The following FANCA variants were observed in gnomAD, a reference collection of about 807,000 sequenced individuals.
FANCA encodes the protein Fanconi anemia group A protein.
A neutral mutation model predicts 194.3 loss-of-function variants in FANCA; 236 were observed. The observed-to-expected ratio is 1.21, with a 90% CI of 1.09 to 1.35. The LOEUF is 1.35. Ranked by LOEUF, FANCA falls within the 40% of genes most tolerant of loss-of-function variation. The pLI is 0.00. For missense variants in FANCA, 2,628 were observed against 1,813.9 expected (o/e 1.45, Z -8.15); for synonymous variants, 1,014 against 715.8 (o/e 1.42, Z -6.65).
intron 10 of FANCA, among the ~76,000 whole-genome samples, 198 bp from the exon 11 acceptor site, chr16:89,796,216 G>A (rs1166937864): frequency 2.0e-5 from 3 of 152,174 alleles, no homozygotes; most frequent in African/African-American, 7.2e-5. Flanking sequence ...GCAAGGCAAC[G>A]GCGAAACCCA....
intron 21 of FANCA, among the ~76,000 whole-genome samples, chr16:89,774,729 C>CAAAAAAAAAAAAAAAAAAA (rs780078944): frequency 4.5e-5 from 1 of 22,196 alleles, no homozygotes; most frequent in Non-Finnish European, 8.1e-5. Flanking sequence ...GACTCTGTCT[C>CAAAAAAAAAAAAAAAAAAA]AAAAAAAAAA....
At chr16:89,776,034 T>C (rs1200772853) in intron 20 of FANCA, among the ~76,000 whole-genome samples, 4 of 151,658 alleles carry the variant, frequency 2.6e-5, no homozygotes, top group Non-Finnish European at 5.9e-5. Flanking sequence ...TATATTAATA[T>C]CTAAGGAGCT....
intron 17 of FANCA, among the ~76,000 whole-genome samples, chr16:89,781,414 C>A (rs1465734202): frequency 4.7e-5 from 7 of 148,046 alleles, no homozygotes; most frequent in Non-Finnish European, 1.0e-4. Context: ...TGGCTCATGC[C>A]TGTAATCCCA....
At chr16:89,742,735 G>A in intron 37 of FANCA, 65 bp downstream of exon 37, 4 of 1,560,226 alleles carry the variant, frequency 2.6e-6, no homozygotes, top group East Asian at 2.4e-5. Context: ...CAAGCCCAGA[G>A]AAATAGCACT....
chr16:89,739,740 C>T (rs2062078726), intron 39 of FANCA, 187 bp from the exon 40 acceptor site: 13 of 1,492,236 alleles, frequency 8.7e-6, no homozygotes, highest in Non-Finnish European at 1.1e-5. Context: ...GGGGGTCGAC[C>T]TCTTGCAGGA....
rs1024035342 is a variant in FANCA at position 89,745,039 on chromosome 16, G to A, written c.3546C>T (p.Leu1182=). The A allele has an allele frequency of 2.5e-6, 4 of 1,609,608 alleles. No homozygotes were observed. The African/African-American group carries it at 4.0e-5, about 16-fold the overall frequency. ...TCTGGCAGTGTCTCCTCCACCGGCA[G>A]AGCAGCACAGGCTCCAGGCTCGGCC... The part of the protein sequence containing the change: ...VWWPSLEPVL[L]CRWRRHCQSP... The change falls in exon 36 of 43, where the codon CTC becomes CTT. Residue 1182 remains leucine, a synonymous_variant. Transcript: ENST00000389301.
rs202228910 is a variant in FANCA, at chr16:89,805,719, G to GT, written c.597-328_597-327insA. 0.057 allele frequency among the ~76,000 whole-genome samples: 8,597 copies of GT among 151,682 alleles called. 844 individuals carry two copies. The highest frequency in any genetic ancestry group is 0.2 in the African/African-American group (8,183 of 41,330). On this transcript the variant is annotated intron_variant, in intron 6 of 42. Transcript: ENST00000389301. ...CCAAAGTGCTGGGATGACTGGTGTGGCACTGTGCCCAGTCTCAAGTTATTT... is the reference window on the plus strand; with the variant it reads ...CCAAAGTGCTGGGATGACTGGTGTGGTCACTGTGCCCAGTCTCAAGTTATTT...
At chr16:89,785,893 C>T (rs947631168) in intron 14 of FANCA, among the ~76,000 whole-genome samples, 7 of 136,318 alleles carry the variant, frequency 5.1e-5, no homozygotes, top group Non-Finnish European at 1.1e-4. Flanking sequence ...CTTGCTCTGT[C>T]ACCCAGGCTG....
At chr16:89,756,766 C>G (rs1381816555) in intron 30 of FANCA, among the ~76,000 whole-genome samples, 2 of 143,140 alleles carry the variant, frequency 1.4e-5, no homozygotes, top group African/African-American at 3.0e-5. Flanking sequence ...AGCTGGAAGG[C>G]TGAAGAGAGG....
rs565356099 is a variant in FANCA, at chr16:89,778,585, G to A, written c.1826+216C>T. On this transcript the variant is annotated intron_variant, in intron 20 of 42. Transcript: ENST00000389301. ...GGAGGTTGCAGTGAGCCAAGATCTC[G>A]CCTCTGCACTCCAAGCCTGGGTGAC... The A allele has an allele frequency of 1.7e-4, 85 of 494,040 alleles. No individual in the cohort carries two copies. In the African/African-American group the frequency reaches 1.8e-3, roughly 11 times the overall value. The allele number at this position is 494,040 out of a possible 1,614,324, so 30.6% of individuals were successfully genotyped here.
At chr16:89,769,621 A>T in intron 26 of FANCA, 1 of 621,938 alleles carries the variant, frequency 1.6e-6, no homozygotes, top group Non-Finnish European at 2.8e-6. Flanking sequence ...GCAGTTTAGT[A>T]TAATATGATC....
intron 30 of FANCA, among the ~76,000 whole-genome samples, chr16:89,757,133 G>A (rs1784894653): frequency 6.6e-6 from 1 of 152,006 alleles, no homozygotes; most frequent in Non-Finnish European, 1.5e-5. Flanking sequence ...ACACTACCAT[G>A]CCTGGCTAAT....
chr16:89,770,487 C>T lies in FANCA; in HGVS notation c.2222+77G>A, dbSNP rs1025987544. On this transcript the variant is annotated intron_variant, in intron 24 of 42. Transcript: ENST00000389301. Reference sequence around the variant, plus strand: ...CCTGCGGAGACGAGCTCATGAGTCCCTGGTCTGCAGACTTGGCCCAGCAAG... The same window carrying T: ...CCTGCGGAGACGAGCTCATGAGTCCTTGGTCTGCAGACTTGGCCCAGCAAG... 3.7e-5 allele frequency: 51 copies of T among 1,369,760 alleles called. No individual in the cohort carries two copies. The South Asian group carries it at 6.3e-4, about 17-fold the overall frequency. The allele number at this position is 1,369,760 out of a possible 1,614,324, so 84.9% of individuals were successfully genotyped here. A position where few individuals can be genotyped will look rare whatever the true frequency, so the allele number is the denominator to read the frequency against.
chr16:89,793,530 A>G (rs2040147071), intron 11 of FANCA, among the ~76,000 whole-genome samples: 2 of 152,176 alleles, frequency 1.3e-5, no homozygotes, highest in African/African-American at 2.4e-5. Flanking sequence ...TTCTTGTTTT[A>G]TATTTTATTA....
chr16:89,747,212 G>T (rs888853289), intron 33 of FANCA, among the ~76,000 whole-genome samples: 2 of 152,216 alleles, frequency 1.3e-5, no homozygotes, highest in Non-Finnish European at 2.9e-5. Flanking sequence ...TGGTGAGGAC[G>T]ACACTAATAC....
chr16:89,809,096 C>G (rs772640192), intron 5 of FANCA, among the ~76,000 whole-genome samples: 46 of 151,992 alleles, frequency 3.0e-4, no homozygotes, highest in East Asian at 3.9e-4. Flanking sequence ...TTAGTAGAGA[C>G]GGGGTTTCAC....
rs1289505609 is a variant in FANCA, at chr16:89,750,501, A to AAAAAAAAAAAAAAAC, written c.3067-600_3067-599insGTTTTTTTTTTTTTT. Among the ~76,000 whole-genome samples the AAAAAAAAAAAAAAAC allele has an allele frequency of 3.4e-5, 5 of 145,696 alleles. No individual in the cohort carries two copies. In the East Asian group the frequency reaches 6.7e-4, roughly 20 times the overall value. On this transcript the variant is annotated intron_variant, in intron 31 of 42. Coordinates refer to ENST00000389301, the MANE Select transcript of FANCA (RefSeq NM_000135.4). Reference sequence around the variant, plus strand: ...CCGTCTCAAAAAAAAACAAACAAAAAAAAACAGCCAGGTATGGTGGCTCAC... The same window carrying AAAAAAAAAAAAAAAC: ...CCGTCTCAAAAAAAAACAAACAAAAAAAAAAAAAAAAAAACAAAACAGCCAGGTATGGTGGCTCAC...
chr16:89,814,969 AAAT>A (rs749706645), intron 2 of FANCA, among the ~76,000 whole-genome samples: 1 of 152,160 alleles, frequency 6.6e-6, no homozygotes, highest in Non-Finnish European at 1.5e-5. Context: ...TAAAAAATAA[AAAT>A]AAAAAAAATT....
rs1260647703 is a variant in FANCA, at chr16:89,767,178, G to A, written c.2564C>T (p.Thr855Ile). The change falls in exon 27 of 43, where the codon ACT becomes ATT. Residue 855 changes from threonine (T) to isoleucine (I), a missense_variant. Transcript: ENST00000389301. ...GCCTGGAGATAAGCAGCTGCACAAA[G>A]TATCTCGTGACTGGGAAGAAAACTT... ...LCKFSSQSRD[T>I]LCSCLSPGLI... 6.2e-7 allele frequency: 1 copy of A among 1,613,828 alleles called. No individual in the cohort carries two copies. The highest frequency in any genetic ancestry group is 1.1e-5 in the South Asian group (1 of 91,082).
Sources: allele counts gnomAD v4.1 joint callset (sites outside exome capture counted in the v4.1 genomes callset), GRCh38; gene constraint gnomAD v4.1.1; transcripts MANE v1.5; gene names NCBI Gene and HGNC (gene_info 2026-07-23, HGNC 2026-07-21).